Variants in SHTN1 observed in about 807,000 individuals in gnomAD.
The protein encoded by SHTN1 is shootin 1.
Under a neutral mutation model 83.1 loss-of-function variants are expected in SHTN1, and 42 were observed. The observed-to-expected ratio is 0.51, with a 90% CI of 0.39 to 0.65. SHTN1 has a LOEUF of 0.65. Among genes scored for constraint, SHTN1 ranks in the 30% least tolerant of loss-of-function variants. The probability of loss-of-function intolerance (pLI) is 0.00; values close to 1 mark genes in which losing one functional copy is unlikely to be tolerated. For synonymous variants in SHTN1, 224 were observed against 247.7 expected, an observed-to-expected ratio of 0.90 and a Z score of 0.90; for missense variants, 622 against 737.8, an observed-to-expected ratio of 0.84 and a Z score of 1.82.
intron 1 of SHTN1, among the ~76,000 whole-genome samples, chr10:116,988,550 T>A (rs1290669214): frequency 6.7e-6 from 1 of 150,220 alleles, no homozygotes; most frequent in Non-Finnish European, 1.5e-5. Flanking sequence ...TATTTATTTA[T>A]TTATTTTATT....
Position 117,053,024 on chromosome 10 carries a change from A to AAAAAAAAAAAAAAAG in SHTN1, c.-188-4515_-188-4514insCTTTTTTTTTTTTTT, listed in dbSNP as rs1554934278. Among the ~76,000 whole-genome samples the AAAAAAAAAAAAAAAG allele has an allele frequency of 8.3e-3, 425 of 51,366 alleles. 130 individuals are homozygous for AAAAAAAAAAAAAAAG. The highest frequency in any genetic ancestry group is 0.02 in the Non-Finnish European group (350 of 17,614). 33.7% of individuals were successfully genotyped at this position (51,366 alleles called of 152,430 possible). On this transcript the variant is annotated intron_variant, in intron 1 of 17. Transcript: ENST00000392901. ...AACAGAGCAAGACTGTGTCTCAAAA[A>AAAAAAAAAAAAAAAG]AAAAAAGAATTAAGAATTAAGTTGG...
At chr10:116,998,552 G>A (rs969253781) in intron 1 of SHTN1, among the ~76,000 whole-genome samples, 34 of 152,154 alleles carry the variant, frequency 2.2e-4, no homozygotes, top group African/African-American at 7.2e-4. Flanking sequence ...TCACAGATAC[G>A]TATGCACAGG....
At chr10:117,052,497 T>C (rs1196275641) in intron 1 of SHTN1, among the ~76,000 whole-genome samples, 1 of 152,020 alleles carries the variant, frequency 6.6e-6, no homozygotes, top group East Asian at 1.9e-4. Flanking sequence ...AAAACAAAGT[T>C]GGAGGACTCA....
rs550639238 is a variant in SHTN1, at chr10:117,074,973, G to T, written c.-188-26463C>A. Reference sequence around the variant, plus strand: ...TCCTCAGGACATTCAGGGAATTTAGGATTGAAAAAAAAATTAAGATATTGT... The same window carrying T: ...TCCTCAGGACATTCAGGGAATTTAGTATTGAAAAAAAAATTAAGATATTGT... On this transcript the variant is annotated intron_variant, in intron 1 of 17. Transcript: ENST00000392901. Among the ~76,000 whole-genome samples the T allele has an allele frequency of 7.4e-4, 112 of 151,446 alleles. 2 individuals are homozygous for T. The South Asian group carries it at 0.022, about 30-fold the overall frequency.
chr10:117,036,939 C>T (rs140298780), intron 2 of SHTN1, among the ~76,000 whole-genome samples: 13 of 152,132 alleles, frequency 8.5e-5, no homozygotes, highest in East Asian at 7.7e-4. Flanking sequence ...AATAAATGGA[C>T]GACCTTATAC....
chr10:117,117,842 C>CGG (rs1853870799), intron 1 of SHTN1, among the ~76,000 whole-genome samples: 1 of 152,052 alleles, frequency 6.6e-6, no homozygotes, highest in African/African-American at 2.4e-5. Flanking sequence ...TAACCATATG[C>CGG]GGCCAAATGA....
chr10:117,037,249 G>A (rs1406180190), intron 2 of SHTN1, among the ~76,000 whole-genome samples: 1 of 152,052 alleles, frequency 6.6e-6, no homozygotes, highest in African/African-American at 2.4e-5. Context: ...TCCAGCCTGG[G>A]CAACATAGTG....
intron 16 of SHTN1, among the ~76,000 whole-genome samples, chr10:116,891,042 C>T (rs778523387): frequency 1.3e-5 from 2 of 152,142 alleles, no homozygotes; most frequent in South Asian, 4.1e-4. Context: ...CCCTAATAGA[C>T]GTGGTTCTGA....
chr10:116,983,668 ATAGATAGATAGATAGATAAATAC>A (rs1564913544), intron 1 of SHTN1, among the ~76,000 whole-genome samples: 74 of 70,520 alleles, frequency 1.0e-3, no homozygotes, highest in African/African-American at 2.5e-3. Flanking sequence ...AGATAGATAG[ATAGATAGATAGATAGATAAATAC>A]ATACATACAT....
chr10:117,074,485 G>A (rs1165431466), intron 1 of SHTN1, among the ~76,000 whole-genome samples: 1 of 152,062 alleles, frequency 6.6e-6, no homozygotes, highest in Admixed American at 6.5e-5. Flanking sequence ...ACATCTTTCT[G>A]GGGAGATAAT....
chr10:117,104,761 G>T (rs528520333), intron 1 of SHTN1, among the ~76,000 whole-genome samples: 1 of 152,080 alleles, frequency 6.6e-6, no homozygotes, highest in Non-Finnish European at 1.5e-5. Flanking sequence ...GCGACAGAGC[G>T]AGACTCCGTC....
chr10:117,109,754 G>A (rs548617366), intron 1 of SHTN1, among the ~76,000 whole-genome samples: 8 of 151,316 alleles, frequency 5.3e-5, no homozygotes, highest in East Asian at 3.9e-4. Flanking sequence ...TAGTAGAGAC[G>A]GGGTTTTGCC....
rs1041687495 is a variant in SHTN1, at chr10:116,921,595, G to A, written c.1113-79C>T. On this transcript the variant is annotated intron_variant, in intron 11 of 16. Coordinates refer to ENST00000355371, the MANE Select transcript of SHTN1 (RefSeq NM_001127211.3). Reference sequence around the variant, plus strand: ...ATAACCAGTAAAAATCTCACTCTTTGATAGGTGCATGAATATATAACTAGA... The same window carrying A: ...ATAACCAGTAAAAATCTCACTCTTTAATAGGTGCATGAATATATAACTAGA... 1.6e-5 allele frequency: 15 copies of A among 963,406 alleles called. No individual in the cohort carries two copies. The African/African-American group carries it at 2.5e-4, about 16-fold the overall frequency. 59.7% of individuals were successfully genotyped at this position (963,406 alleles called of 1,614,324 possible).
chr10:117,039,895 T>C (rs1402973697), intron 2 of SHTN1, among the ~76,000 whole-genome samples: 1 of 150,544 alleles, frequency 6.6e-6, no homozygotes, highest in African/African-American at 2.4e-5. Context: ...AATCTCTCCA[T>C]GTGTGAGAGC....
At chr10:117,067,067 C>G (rs926298801) in intron 1 of SHTN1, among the ~76,000 whole-genome samples, 1 of 152,128 alleles carries the variant, frequency 6.6e-6, no homozygotes, top group African/African-American at 2.4e-5. Flanking sequence ...AATGTAAGAG[C>G]ATTCTGCCTA....
At chr10:116,932,800 GATTGTT>G (rs1450081279) in intron 9 of SHTN1, among the ~76,000 whole-genome samples, 1 of 152,162 alleles carries the variant, frequency 6.6e-6, no homozygotes, top group Non-Finnish European at 1.5e-5. Context: ...TAGAAGTAGT[GATTGTT>G]ATAATTTCAT....
intron 2 of SHTN1, among the ~76,000 whole-genome samples, chr10:117,025,849 C>T (rs947333020): frequency 6.6e-6 from 1 of 152,156 alleles, no homozygotes; most frequent in African/African-American, 2.4e-5. Flanking sequence ...GGAAAGGATG[C>T]AGTCCTAGCT....
intron 2 of SHTN1, among the ~76,000 whole-genome samples, chr10:116,976,707 T>C (rs980805292): frequency 6.6e-6 from 1 of 152,206 alleles, no homozygotes; most frequent in Non-Finnish European, 1.5e-5. Flanking sequence ...TAAAAGGCTT[T>C]TATTATATGC....
At chr10:116,958,310 AC>A (rs952441448) in intron 4 of SHTN1, among the ~76,000 whole-genome samples, 1 of 152,136 alleles carries the variant, frequency 6.6e-6, no homozygotes, top group Non-Finnish European at 1.5e-5. Flanking sequence ...ACAAACAAGC[AC>A]ATTTATAGTA....
Sources: gnomAD v4.1 joint callset for allele counts (sites outside exome capture counted in the v4.1 genomes callset) on GRCh38, gnomAD v4.1.1 for gene constraint, MANE v1.5 for transcripts, NCBI Gene and HGNC (gene_info 2026-07-23, HGNC 2026-07-21) for gene names.